Variants in POLA2 observed in about 807,000 individuals in gnomAD.
POLA2 encodes DNA polymerase alpha 2, accessory subunit, also known as DNA polymerase alpha subunit B.
A neutral mutation model predicts 82.8 loss-of-function variants in POLA2; 47 were observed. The ratio of observed to expected loss-of-function variants is 0.57; its 90% CI spans 0.45 to 0.72. The LOEUF (loss-of-function observed/expected upper bound fraction) is 0.72, where lower values mean the gene tolerates loss of function less well. Among genes scored for constraint, POLA2 ranks in the 30% least tolerant of loss-of-function variants. The probability of loss-of-function intolerance (pLI) is 0.00; values close to 1 mark genes in which losing one functional copy is unlikely to be tolerated. For synonymous variants in POLA2, 287 were observed against 286.8 expected, an observed-to-expected ratio of 1.00 and a Z score of -0.01; for missense variants, 634 against 728.1, an observed-to-expected ratio of 0.87 and a Z score of 1.49.
chr11:65,284,990 A>G (rs545284697), intron 10 of POLA2, among the ~76,000 whole-genome samples: 1 of 152,296 alleles, frequency 6.6e-6, no homozygotes, highest in Admixed American at 6.5e-5. Context: ...GATATTGCAC[A>G]TTTTATCAGA....
intron 10 of POLA2, among the ~76,000 whole-genome samples, chr11:65,284,567 C>A (rs1046876916): frequency 6.0e-5 from 9 of 150,012 alleles, no homozygotes; most frequent in Non-Finnish European, 1.3e-4. Flanking sequence ...TCACTCGTTG[C>A]CCAGGTTGTA....
chr11:65,295,657 A>G, intron 16 of POLA2, 58 bp downstream of exon 16: 1 of 1,450,250 alleles, frequency 6.9e-7, no homozygotes, highest in Admixed American at 1.7e-5. Context: ...TCATGGAGCT[A>G]TGACAAGCAT....
At chr11:65,292,830 C>T (rs1351874504) in intron 13 of POLA2, among the ~76,000 whole-genome samples, 1 of 152,196 alleles carries the variant, frequency 6.6e-6, no homozygotes, top group Non-Finnish European at 1.5e-5. Context: ...ATGTTTTAAG[C>T]AAGAGACAGA....
At chr11:65,278,506 C>T (rs1483450032) in intron 5 of POLA2, among the ~76,000 whole-genome samples, 1 of 152,178 alleles carries the variant, frequency 6.6e-6, no homozygotes, top group Non-Finnish European at 1.5e-5. Context: ...CTCTAAACTT[C>T]TCTAAAAATG....
rs1246813475 is a variant in POLA2, at chr11:65,281,659, T to C, written c.901-11T>C. On this transcript the variant is annotated splice_polypyrimidine_tract_variant and intron_variant, in intron 8 of 17. Coordinates refer to ENST00000265465, the MANE Select transcript of POLA2 (RefSeq NM_002689.4). ...CACTGCTTAGCAATCCTGTTTGTTT[T>C]TGTCTTTCAGGTTGTAATTATGGAA... 1 of 1,608,738 alleles carries C rather than the reference T, an allele frequency of 6.2e-7. No homozygotes were observed. The highest frequency in any genetic ancestry group is 1.1e-5 in the South Asian group (1 of 90,940).
chr11:65,305,316 C>T lies in POLA2; in HGVS notation c.657-57C>T, dbSNP rs1168032117. ...GCAAATGAAAAGGTGACCAGCCTCA[C>T]GCATCGTAAGAGAAACGCAAACTCT... On this transcript the variant is annotated intron_variant, in intron 8 of 8. Coordinates refer to the POLA2 transcript ENST00000525924. 2.0e-5 allele frequency: 9 copies of T among 453,534 alleles called. 1 individual carries two copies. The highest frequency in any genetic ancestry group is 1.2e-4 in the Admixed American group (5 of 41,800). The allele number at this position is 453,534 out of a possible 1,614,324, so 28.1% of individuals were successfully genotyped here. A position where few individuals can be genotyped will look rare whatever the true frequency, so the allele number is the denominator to read the frequency against.
chr11:65,284,442 A>G (rs1177500521), intron 10 of POLA2, among the ~76,000 whole-genome samples: 1 of 152,044 alleles, frequency 6.6e-6, no homozygotes, highest in African/African-American at 2.4e-5. Context: ...TGATTGTGCC[A>G]TTGCACTCCA....
chr11:65,303,217 C>G (rs1254433642), downstream of POLA2, among the ~76,000 whole-genome samples: 2 of 151,952 alleles, frequency 1.3e-5, no homozygotes, highest in African/African-American at 4.8e-5. Flanking sequence ...TGGCAGGCAC[C>G]TGTAGTCCCA....
At chr11:65,281,824 G>A (rs577884260) in intron 9 of POLA2, 92 bp downstream of exon 9, 1 of 1,027,106 alleles carries the variant, frequency 9.7e-7, no homozygotes. Context: ...CTTTTTAGGA[G>A]CCCATTTATT....
chr11:65,268,743 G>T lies in POLA2; in HGVS notation c.354+14G>T, dbSNP rs1444864811. The T allele has an allele frequency of 1.1e-5, 16 of 1,510,074 alleles. No individual in the cohort carries two copies. Among genetic ancestry groups the T allele is most frequent in the Non-Finnish European group, 1.4e-5 (16 of 1,114,158 alleles). The allele number at this position is 1,510,074 out of a possible 1,614,324, so 93.5% of individuals were successfully genotyped here. On this transcript the variant is annotated intron_variant, in intron 4 of 17. Transcript: ENST00000265465. Reference sequence around the variant, plus strand: ...ACACCTTCAAAGGTAAGTAAACAGTGTTTGGACATTGCATTTTACAAGTAA... The same window carrying T: ...ACACCTTCAAAGGTAAGTAAACAGTTTTTGGACATTGCATTTTACAAGTAA...
chr11:65,270,112 T>A (rs1949506928), intron 4 of POLA2, among the ~76,000 whole-genome samples: 1 of 152,234 alleles, frequency 6.6e-6, no homozygotes. Flanking sequence ...ATTACAGATG[T>A]GAGCCACCGT....
At chr11:65,294,414 C>A in intron 14 of POLA2, 132 bp from the exon 15 acceptor site, 1 of 985,576 alleles carries the variant, frequency 1.0e-6, no homozygotes, top group African/African-American at 1.6e-5. Flanking sequence ...CAAATGTGTC[C>A]AAAAGCTTGA....
At chr11:65,266,729 CTA>C (rs1565466078) in intron 2 of POLA2, 23 bp downstream of exon 2, 1 of 1,613,144 alleles carries the variant, frequency 6.2e-7, no homozygotes, top group Non-Finnish European at 8.5e-7. Flanking sequence ...TGAAAGCAAA[CTA>C]ATAATGTGAT....
At chr11:65,290,996 G>A (rs903663021) in intron 13 of POLA2, among the ~76,000 whole-genome samples, 2 of 152,230 alleles carry the variant, frequency 1.3e-5, no homozygotes, top group Non-Finnish European at 2.9e-5. Flanking sequence ...ACTGTGAGAG[G>A]TTACAGCAGT....
intron 4 of POLA2, among the ~76,000 whole-genome samples, chr11:65,269,981 G>A (rs190046888): frequency 3.9e-5 from 6 of 152,232 alleles, no homozygotes; most frequent in Admixed American, 1.3e-4. Context: ...ACAGGCATGC[G>A]CCACTACGGC....
intron 5 of POLA2, among the ~76,000 whole-genome samples, chr11:65,276,362 T>C (rs980997978): frequency 6.6e-6 from 1 of 152,144 alleles, no homozygotes; most frequent in Non-Finnish European, 1.5e-5. Context: ...TTGTGTTTTG[T>C]TGGGTTTCTT....
intron 3 of POLA2, 120 bp from the exon 4 acceptor site, chr11:65,268,552 C>A: frequency 1.6e-6 from 1 of 638,428 alleles, no homozygotes; most frequent in South Asian, 1.8e-5. Flanking sequence ...CTGTGTTAGC[C>A]AGGATGGTCT....
At position 65,294,636 on chromosome 11, in the gene POLA2, G is replaced by T; in HGVS notation, c.1444G>T (p.Ala482Ser). 6.2e-7 allele frequency: 1 copy of T among 1,613,240 alleles called. No individual in the cohort carries two copies. The highest frequency in any genetic ancestry group is 8.5e-7 in the Non-Finnish European group (1 of 1,179,278). ...CACAGATCTGCTTTTCCACCTGGGG[G>T]CCGAGGAGATCAGTAGGTAAGAAGT... ...TSTDLLFHLG[A>S]EEISSSSGTS... The change falls in exon 15 of 18, where the codon GCC (alanine) becomes TCC (serine). Residue 482 changes from alanine to serine, a missense_variant. Transcript: ENST00000265465.
intron 10 of POLA2, among the ~76,000 whole-genome samples, chr11:65,285,179 G>T (rs921204569): frequency 6.6e-6 from 1 of 152,050 alleles, no homozygotes; most frequent in Non-Finnish European, 1.5e-5. Context: ...GCCGAGGTGG[G>T]CGGATCACAC....
Sources: allele counts gnomAD v4.1 joint callset (sites outside exome capture counted in the v4.1 genomes callset), GRCh38; gene constraint gnomAD v4.1.1; transcripts MANE v1.5; gene names NCBI Gene and HGNC (gene_info 2026-07-23, HGNC 2026-07-21).